The following NELL1 variants were observed in gnomAD, a reference collection of about 807,000 sequenced individuals.
NELL1 encodes protein kinase C-binding protein NELL1.
In NELL1, 76 loss-of-function variants were observed where a neutral mutation model predicts 107.4. The ratio of observed to expected loss-of-function variants is 0.71; its 90% CI spans 0.59 to 0.86. The LOEUF (loss-of-function observed/expected upper bound fraction) is 0.86. Ranked by LOEUF, NELL1 falls within the 40% of genes least tolerant of loss-of-function variation. NELL1 has a pLI of 0.00. For missense variants in NELL1, 1,024 were observed against 1,005.5 expected, an observed-to-expected ratio of 1.02 and a Z score of -0.25; for synonymous variants, 353 against 341.2, an observed-to-expected ratio of 1.03 and a Z score of -0.38.
At chr11:20,707,368 C>T (rs576183567) in intron 2 of NELL1, among the ~76,000 whole-genome samples, 2 of 152,346 alleles carry the variant, frequency 1.3e-5, no homozygotes, top group South Asian at 2.1e-4. Context: ...CTTCCCTCAA[C>T]TCGTCAAAAT....
At chr11:21,098,830 C>T (rs1236763152) in intron 12 of NELL1, among the ~76,000 whole-genome samples, 1 of 151,972 alleles carries the variant, frequency 6.6e-6, no homozygotes, top group African/African-American at 2.4e-5. Flanking sequence ...CTCTGTCTGC[C>T]TCTCGTGTAT....
At chr11:21,040,435 C>T (rs564893758) in intron 12 of NELL1, among the ~76,000 whole-genome samples, 1 of 152,082 alleles carries the variant, frequency 6.6e-6, no homozygotes, top group Non-Finnish European at 1.5e-5. Context: ...AATGTATTAT[C>T]GTGCATCAAA....
At chr11:20,995,310 G>T (rs924774449) in intron 12 of NELL1, among the ~76,000 whole-genome samples, 1 of 152,058 alleles carries the variant, frequency 6.6e-6, no homozygotes, top group African/African-American at 2.4e-5. Context: ...GGCTGGGCGC[G>T]GTGGCTCACA....
intron 4 of NELL1, among the ~76,000 whole-genome samples, chr11:20,869,986 G>T (rs1351967848): frequency 6.6e-6 from 1 of 152,208 alleles, no homozygotes; most frequent in Admixed American, 6.5e-5. Context: ...GGAAAAGGAT[G>T]TAGCTGGATC....
At chr11:21,286,008 C>T (rs1301925792) in intron 14 of NELL1, among the ~76,000 whole-genome samples, 1 of 152,118 alleles carries the variant, frequency 6.6e-6, no homozygotes, top group Non-Finnish European at 1.5e-5. Context: ...AGAAATGAGA[C>T]AGAGAAAAAT....
At chr11:21,556,958 G>C (rs79116132) in intron 16 of NELL1, among the ~76,000 whole-genome samples, 1,880 of 151,962 alleles carry the variant, frequency 0.012, 39 homozygotes, top group East Asian at 0.076. Context: ...CTGATGATTT[G>C]GGTAAGTCTC....
In NELL1 at chr11:20,756,138, C is replaced by A. The variant is rs567461603; in HGVS notation, c.185-27542C>A. 1.1e-3 allele frequency among the ~76,000 whole-genome samples: 165 copies of A among 152,060 alleles called. 1 individual carries two copies. The highest frequency in any genetic ancestry group is 3.7e-3 in the African/African-American group (154 of 41,460). On this transcript the variant is annotated intron_variant, in intron 2 of 19. Coordinates refer to ENST00000357134, the MANE Select transcript of NELL1 (RefSeq NM_006157.5). ...CTCGTGATCCGCCTGCCTCGGCCCC[C>A]CAAAGTGCTGGGATTACAGGCGTGA...
intron 11 of NELL1, among the ~76,000 whole-genome samples, chr11:20,954,697 C>T (rs1851135572): frequency 6.6e-6 from 1 of 152,164 alleles, no homozygotes; most frequent in Non-Finnish European, 1.5e-5. Flanking sequence ...GAATAAAGGC[C>T]TCCATTAATT....
chr11:21,381,873 A>G (rs867903104), intron 15 of NELL1, among the ~76,000 whole-genome samples: 27 of 140,256 alleles, frequency 1.9e-4, no homozygotes, highest in African/African-American at 7.0e-4. Context: ...GAATAGTGGC[A>G]TGTTTAACTT....
At chr11:21,048,771 G>T (rs555331945) in intron 12 of NELL1, among the ~76,000 whole-genome samples, 1 of 151,946 alleles carries the variant, frequency 6.6e-6, no homozygotes, top group African/African-American at 2.4e-5. Context: ...CCACGCCTCC[G>T]CTGGCTTCTC....
intron 14 of NELL1, among the ~76,000 whole-genome samples, chr11:21,364,304 G>T (rs375372337): frequency 6.6e-6 from 1 of 151,022 alleles, no homozygotes; most frequent in East Asian, 2.0e-4. Flanking sequence ...CTAGCTACTC[G>T]GGAGGCCGAG....
intron 9 of NELL1, among the ~76,000 whole-genome samples, chr11:20,934,702 T>C (rs953110808): frequency 2.0e-5 from 3 of 152,232 alleles, no homozygotes; most frequent in Admixed American, 2.0e-4. Flanking sequence ...ACTGTCACTT[T>C]GGAACAAGCT....
intron 12 of NELL1, among the ~76,000 whole-genome samples, chr11:21,026,928 C>T (rs1852827582): frequency 6.6e-6 from 1 of 152,086 alleles, no homozygotes; most frequent in South Asian, 2.1e-4. Context: ...TTTTCCACCC[C>T]AGCCCTTCTT....
chr11:20,785,069 A>G (rs995026778), intron 3 of NELL1, among the ~76,000 whole-genome samples: 12 of 152,182 alleles, frequency 7.9e-5, no homozygotes, highest in Non-Finnish European at 1.5e-4. Flanking sequence ...AGGTAAGGGA[A>G]GAAGGGTGTT....
intron 15 of NELL1, among the ~76,000 whole-genome samples, chr11:21,493,922 A>G (rs1332153628): frequency 6.6e-6 from 1 of 151,514 alleles, no homozygotes; most frequent in Non-Finnish European, 1.5e-5. Flanking sequence ...GTGTGGATCT[A>G]TCACAATTTA....
chr11:20,862,880 G>C (rs1193348861), intron 4 of NELL1, among the ~76,000 whole-genome samples: 1 of 152,064 alleles, frequency 6.6e-6, no homozygotes, highest in East Asian at 1.9e-4. Flanking sequence ...ATTTAACCCT[G>C]GGTGGACACA....
At chr11:21,386,961 A>G (rs1266377701) in intron 15 of NELL1, among the ~76,000 whole-genome samples, 1 of 151,822 alleles carries the variant, frequency 6.6e-6, no homozygotes, top group Non-Finnish European at 1.5e-5. Context: ...GGATTGATGT[A>G]TGCCACTTAA....
intron 2 of NELL1, among the ~76,000 whole-genome samples, chr11:20,733,833 A>G (rs773376858): frequency 6.6e-6 from 1 of 152,202 alleles, no homozygotes; most frequent in Non-Finnish European, 1.5e-5. Context: ...GTTTTAGGTG[A>G]TGGGACTATA....
intron 13 of NELL1, among the ~76,000 whole-genome samples, chr11:21,177,704 T>C (rs1856741944): frequency 6.6e-6 from 1 of 151,852 alleles, no homozygotes; most frequent in Non-Finnish European, 1.5e-5. Context: ...ACTGTCTTTT[T>C]ATAATGGCTG....
Sources: allele counts gnomAD v4.1 joint callset (sites outside exome capture counted in the v4.1 genomes callset), GRCh38; gene constraint gnomAD v4.1.1; transcripts MANE v1.5; gene names NCBI Gene and HGNC (gene_info 2026-07-23, HGNC 2026-07-21).